The following ANK3 variants were observed in gnomAD, a reference collection of about 807,000 sequenced individuals.
ANK3 encodes ankyrin 3.
In ANK3, 57 loss-of-function variants were observed where a neutral mutation model predicts 370.9. The observed-to-expected ratio is 0.15, with a 90% CI of 0.12 to 0.19. The LOEUF (loss-of-function observed/expected upper bound fraction) is 0.19. ANK3 is among the 10% of genes least tolerant of loss of function. The pLI, the probability that ANK3 is intolerant of heterozygous loss-of-function variation, is 1.00. For missense variants in ANK3, 4,439 were observed against 5,302.1 expected (o/e 0.84, Z 5.06); for synonymous variants, 1,929 against 1,946.3 (o/e 0.99, Z 0.23).
At chr10:60,099,121 C>T (rs917719743) in intron 28 of ANK3, among the ~76,000 whole-genome samples, 3 of 152,090 alleles carry the variant, frequency 2.0e-5, no homozygotes, top group African/African-American at 7.2e-5. Context: ...TGTAGAATGA[C>T]CATAACCTGC....
chr10:60,063,405 G>A (rs1251109561), intron 39 of ANK3, 151 bp from the exon 40 acceptor site: 5 of 694,024 alleles, frequency 7.2e-6, no homozygotes, highest in Non-Finnish European at 1.1e-5. Flanking sequence ...AGAGGACTCA[G>A]AATGCTCGCT....
chr10:60,150,838 T>C (rs1225251607), intron 23 of ANK3, among the ~76,000 whole-genome samples: 1 of 152,080 alleles, frequency 6.6e-6, no homozygotes, highest in African/African-American at 2.4e-5. Context: ...ATGAGCCAAA[T>C]AAACCTCATA....
intron 1 of ANK3, among the ~76,000 whole-genome samples, chr10:60,343,904 A>G (rs2061490): frequency 0.7 from 106,213 of 152,192 alleles, 38,344 homozygotes; most frequent in South Asian, 0.91. Context: ...CAAGTCCCCA[A>G]GTGATGCTGA....
chr10:60,086,709 G>T lies in ANK3; in HGVS notation c.3716C>A (p.Thr1239Lys). Residue 1239 changes from threonine to lysine, a missense_variant, in exon 30 of 44, where the codon ACA becomes AAA. This residue lies in a region of ANK3 where 702 missense variants were observed against 941.5 expected (regional missense o/e 0.75). Transcript: ENST00000280772. ...GCTACAGAGAAGACGCAGATTGGGT[G>T]TAGTGTCCCCTTTGTATCCATTGGA... Reference protein sequence around the residue: ...GVSNGYKGDTTPNLRLLCSIT... With the variant: ...GVSNGYKGDTKPNLRLLCSIT... 2 of 1,614,004 alleles carry T rather than the reference G, an allele frequency of 1.2e-6. No homozygotes were observed. The highest frequency in any genetic ancestry group is 1.1e-5 in the South Asian group (1 of 91,054).
intron 25 of ANK3, among the ~76,000 whole-genome samples, chr10:60,124,589 C>G (rs1182800922): frequency 6.6e-6 from 1 of 152,238 alleles, no homozygotes; most frequent in Non-Finnish European, 1.5e-5. Flanking sequence ...AGGGAGAAGT[C>G]AGAGCTGCCT....
chr10:60,258,529 T>C (rs1376747497), intron 7 of ANK3, among the ~76,000 whole-genome samples: 1 of 152,248 alleles, frequency 6.6e-6, no homozygotes, highest in Non-Finnish European at 1.5e-5. Context: ...TACTGCTGCA[T>C]GAATTAGTTG....
chr10:60,622,879 G>A (rs2078356901), intron 1 of ANK3, among the ~76,000 whole-genome samples: 1 of 152,184 alleles, frequency 6.6e-6, no homozygotes, highest in Admixed American at 6.5e-5. Flanking sequence ...TGATCTATAT[G>A]TAGTGTCAAA....
intron 1 of ANK3, among the ~76,000 whole-genome samples, chr10:60,344,652 C>T (rs1436817409): frequency 2.0e-5 from 3 of 151,370 alleles, no homozygotes; most frequent in Admixed American, 2.0e-4. Flanking sequence ...CTTCAAAACT[C>T]TTAAAAAATG....
intron 25 of ANK3, among the ~76,000 whole-genome samples, chr10:60,131,291 T>A (rs2094052434): frequency 6.6e-6 from 1 of 152,162 alleles, no homozygotes; most frequent in Non-Finnish European, 1.5e-5. Flanking sequence ...TCCTGCCAAT[T>A]TATTCTGGAT....
At chr10:60,116,053 AT>A (rs2093054768) in intron 25 of ANK3, among the ~76,000 whole-genome samples, 2 of 152,142 alleles carry the variant, frequency 1.3e-5, no homozygotes, top group African/African-American at 4.8e-5. Context: ...ATTGGCTAGA[AT>A]TCTCTTTAAA....
intron 1 of ANK3, among the ~76,000 whole-genome samples, chr10:60,294,336 T>G (rs74810328): frequency 0.024 from 3,718 of 152,202 alleles, 138 homozygotes; most frequent in African/African-American, 0.081. Context: ...GCCTGAGGTT[T>G]AAAAGCCCAG....
At chr10:60,122,467 A>G (rs568432443) in intron 25 of ANK3, among the ~76,000 whole-genome samples, 6 of 152,346 alleles carry the variant, frequency 3.9e-5, no homozygotes, top group Admixed American at 6.5e-5. Context: ...CCTGGCCTCC[A>G]TCAGGAATAA....
At chr10:60,231,454 G>A (rs1407465364) in intron 8 of ANK3, among the ~76,000 whole-genome samples, 1 of 152,188 alleles carries the variant, frequency 6.6e-6, no homozygotes, top group Non-Finnish European at 1.5e-5. Context: ...TTGAATGCAA[G>A]CAAGGTTGCC....
At chr10:60,059,452 G>A in intron 40 of ANK3, 22 bp from the exon 41 acceptor site, 1 of 1,598,602 alleles carries the variant, frequency 6.3e-7, no homozygotes, top group Non-Finnish European at 8.6e-7. Flanking sequence ...GACATTTCCA[G>A]TTCTGCTTGC....
At chr10:60,247,348 A>C (rs1391087430) in intron 7 of ANK3, among the ~76,000 whole-genome samples, 8 of 152,126 alleles carry the variant, frequency 5.3e-5, no homozygotes, top group Non-Finnish European at 4.4e-5. Context: ...TACGCTTTAA[A>C]AATTTTTTTA....
rs1469035473 is a variant in ANK3, at chr10:60,673,571, C to T, written c.58-58347G>A. On this transcript the variant is annotated intron_variant, in intron 1 of 43. Coordinates refer to the ANK3 transcript ENST00000373827. Reference sequence around the variant, plus strand: ...TCCACCATGTTGACCAGGCTGGTCTCGAACTCCTGACCTCAGGTGATCCAC... The same window carrying T: ...TCCACCATGTTGACCAGGCTGGTCTTGAACTCCTGACCTCAGGTGATCCAC... Among the ~76,000 whole-genome samples the T allele has an allele frequency of 7.2e-5, 11 of 152,168 alleles. No homozygotes were observed. The East Asian group carries it at 7.8e-4, about 11-fold the overall frequency.
At chr10:60,250,550 A>G (rs984973307) in intron 7 of ANK3, among the ~76,000 whole-genome samples, 3 of 152,124 alleles carry the variant, frequency 2.0e-5, no homozygotes, top group Non-Finnish European at 4.4e-5. Context: ...TATTTTTAGT[A>G]GAGACGGAGT....
intron 2 of ANK3, among the ~76,000 whole-genome samples, chr10:60,555,725 C>T (rs1230536815): frequency 6.6e-6 from 1 of 152,024 alleles, no homozygotes; most frequent in Non-Finnish European, 1.5e-5. Flanking sequence ...GAATAATTTG[C>T]ACTAACTGCA....
intron 2 of ANK3, among the ~76,000 whole-genome samples, chr10:60,522,684 G>A (rs1360030656): frequency 1.3e-5 from 2 of 151,942 alleles, no homozygotes; most frequent in African/African-American, 4.8e-5. Context: ...TCTCCTAAAT[G>A]GAGATAGTAA....
Sources: gnomAD v4.1 joint callset for allele counts (sites outside exome capture counted in the v4.1 genomes callset) on GRCh38, gnomAD v4.1.1 for gene constraint, gnomAD v4.1.1 regional missense constraint, MANE v1.5 for transcripts, NCBI Gene and HGNC (gene_info 2026-07-23, HGNC 2026-07-21) for gene names.